Variants in DISC1 observed in about 807,000 individuals in gnomAD.
The protein encoded by DISC1 is DISC1 scaffold protein.
Under a neutral mutation model 84.5 loss-of-function variants are expected in DISC1, and 57 were observed. That is an observed-to-expected ratio of 0.67 (90% confidence interval 0.55 to 0.84). DISC1 has a LOEUF of 0.84. Ranked by LOEUF, DISC1 falls within the 40% of genes least tolerant of loss-of-function variation. The pLI, the probability that DISC1 is intolerant of heterozygous loss-of-function variation, is 0.00. For synonymous variants in DISC1, 411 were observed against 415.2 expected (o/e 0.99, Z 0.12); for missense variants, 1,000 against 1,057.8 (o/e 0.95, Z 0.76).
chr1:231,771,045 G>A lies in DISC1; in HGVS notation c.1609G>A (p.Ala537Thr). The A allele has an allele frequency of 6.2e-7, 1 of 1,607,540 alleles. No homozygotes were observed. Among genetic ancestry groups the A allele is most frequent in the Non-Finnish European group, 8.5e-7 (1 of 1,176,586 alleles). Reference protein sequence around the residue: ...LASAGQIPFHAEPPETIRSLQ... With the variant: ...LASAGQIPFHTEPPETIRSLQ... ...CTCAGCCGGTCAGATTCCCTTCCAT[G>A]CAGAGCCACCGGAAACCATAAGGAG... is the stretch of plus-strand genomic sequence containing the variant. Residue 537 changes from alanine (A) to threonine (T), a missense_variant, in exon 6 of 13, where the codon GCA becomes ACA. Ala to Thr is a moderately conservative substitution (Grantham distance 58, BLOSUM62 0). This residue lies in a region of DISC1 where 397 missense variants were observed against 377.5 expected (regional missense o/e 1.05). Coordinates refer to ENST00000439617, the MANE Select transcript of DISC1 (RefSeq NM_018662.3).
At chr1:231,780,796 G>A (rs2077359092) in intron 6 of DISC1, among the ~76,000 whole-genome samples, 1 of 96,496 alleles carries the variant, frequency 1.0e-5, no homozygotes, top group Non-Finnish European at 2.1e-5. Context: ...TTAAGAAAAT[G>A]TGGCACATAT....
chr1:231,947,987 G>C (rs1657560337), intron 9 of DISC1, among the ~76,000 whole-genome samples: 1 of 152,202 alleles, frequency 6.6e-6, no homozygotes, highest in African/African-American at 2.4e-5. Flanking sequence ...TGGGGAAATA[G>C]GGATGCTTTT....
At chr1:231,872,630 A>G (rs200738339) in intron 9 of DISC1, among the ~76,000 whole-genome samples, 20 of 152,194 alleles carry the variant, frequency 1.3e-4, no homozygotes, top group Non-Finnish European at 1.9e-4. Flanking sequence ...TGTTGTTTGC[A>G]TACTGTTTGC....
At chr1:231,819,168 A>G in intron 9 of DISC1, 1 of 974,630 alleles carries the variant, frequency 1.0e-6, no homozygotes, top group South Asian at 4.7e-5. Flanking sequence ...CTTATTTCTT[A>G]AAAAATGGTT....
intron 10 of DISC1, among the ~76,000 whole-genome samples, chr1:232,006,764 C>G (rs1405654507): frequency 6.6e-6 from 1 of 152,124 alleles, no homozygotes; most frequent in African/African-American, 2.4e-5. Context: ...AACAAGCAAC[C>G]AAATGTTAAT....
chr1:231,632,408 C>T (rs1352272918), intron 1 of DISC1, among the ~76,000 whole-genome samples: 1 of 152,172 alleles, frequency 6.6e-6, no homozygotes, highest in East Asian at 1.9e-4. Context: ...ATTTGCCTGT[C>T]ATGGGTGGAC....
intron 10 of DISC1, among the ~76,000 whole-genome samples, chr1:231,969,200 T>TG: frequency 6.8e-6 from 1 of 146,986 alleles, no homozygotes; most frequent in African/African-American, 2.6e-5. Context: ...TTTTTTTTTT[T>TG]TTTTTTTTTT....
At chr1:231,748,529 G>A (rs2074259608) in intron 3 of DISC1, among the ~76,000 whole-genome samples, 1 of 152,186 alleles carries the variant, frequency 6.6e-6, no homozygotes, top group Non-Finnish European at 1.5e-5. Flanking sequence ...CTATTGATGA[G>A]ATGTATGATG....
chr1:231,814,937 A>AAATAATAATAAT (rs3083698), intron 8 of DISC1: 24 of 141,442 alleles, frequency 1.7e-4, no homozygotes, highest in South Asian at 4.7e-4. Flanking sequence ...TTAAAATGTA[A>AAATAATAATAAT]AATAATAATA....
chr1:231,641,668 G>C (rs1042843405), intron 1 of DISC1, among the ~76,000 whole-genome samples: 1 of 152,214 alleles, frequency 6.6e-6, no homozygotes, highest in African/African-American at 2.4e-5. Context: ...CAGCCCAGTC[G>C]TCTGTTTTGA....
intron 9 of DISC1, among the ~76,000 whole-genome samples, chr1:231,865,011 C>T (rs796722901): frequency 3.3e-5 from 5 of 152,208 alleles, no homozygotes; most frequent in African/African-American, 1.2e-4. Flanking sequence ...AGACCTGGAG[C>T]GGTATTGGGC....
intron 6 of DISC1, among the ~76,000 whole-genome samples, chr1:231,785,250 TGTG>T: frequency 1.5e-5 from 1 of 68,516 alleles, no homozygotes; most frequent in Non-Finnish European, 3.4e-5. Context: ...TGTGTGTGTG[TGTG>T]TTATTTTATT....
intron 11 of DISC1, among the ~76,000 whole-genome samples, chr1:232,020,298 C>T (rs999742138): frequency 6.6e-6 from 1 of 152,156 alleles, no homozygotes; most frequent in East Asian, 1.9e-4. Context: ...GCCGAGATCA[C>T]GCCATTGCAC....
At chr1:232,015,403 G>C (rs1365690102) in intron 11 of DISC1, among the ~76,000 whole-genome samples, 1 of 152,134 alleles carries the variant, frequency 6.6e-6, no homozygotes, top group East Asian at 1.9e-4. Context: ...CTGAGGGATC[G>C]ATAGCAGGAT....
intron 4 of DISC1, among the ~76,000 whole-genome samples, chr1:231,765,225 G>A (rs10157649): frequency 0.45 from 64,481 of 142,340 alleles, 15,342 homozygotes; most frequent in Middle Eastern, 0.54. Context: ...AAAAACTTTG[G>A]ATAATAATCA....
chr1:231,689,753 T>C (rs1386502838), intron 1 of DISC1, among the ~76,000 whole-genome samples: 1 of 152,242 alleles, frequency 6.6e-6, no homozygotes, highest in Non-Finnish European at 1.5e-5. Flanking sequence ...AGGATTGTTT[T>C]AGGAATTATA....
chr1:231,656,743 C>T (rs1479993490), intron 1 of DISC1, among the ~76,000 whole-genome samples: 4 of 152,136 alleles, frequency 2.6e-5, no homozygotes, highest in African/African-American at 9.7e-5. Context: ...GTATTAAGCC[C>T]AGCATCAATT....
chr1:231,713,823 GGA>G (rs1441265063), intron 3 of DISC1, among the ~76,000 whole-genome samples: 3 of 139,548 alleles, frequency 2.1e-5, no homozygotes, highest in Non-Finnish European at 3.1e-5. Context: ...TATATATATA[GGA>G]GAGATATATA....
At chr1:231,692,439 C>T (rs2065156547) in intron 1 of DISC1, among the ~76,000 whole-genome samples, 1 of 152,218 alleles carries the variant, frequency 6.6e-6, no homozygotes, top group Admixed American at 6.5e-5. Flanking sequence ...TCATTGTGCT[C>T]ATTTCCCCAG....
Sources: allele counts gnomAD v4.1 joint callset (sites outside exome capture counted in the v4.1 genomes callset), GRCh38; gene constraint gnomAD v4.1.1; regional missense constraint gnomAD v4.1.1; transcripts MANE v1.5; gene names NCBI Gene and HGNC (gene_info 2026-07-23, HGNC 2026-07-21).